CACNG3: variants seen among roughly 807,000 people sequenced by gnomAD.
CACNG3 encodes calcium voltage-gated channel auxiliary subunit gamma 3, also known as voltage-dependent calcium channel gamma-3 subunit.
Under a neutral mutation model 28.5 loss-of-function variants are expected in CACNG3, and 3 were observed. The observed-to-expected ratio is 0.11, with a 90% CI of 0.05 to 0.27. The LOEUF (loss-of-function observed/expected upper bound fraction) is 0.27. Ranked by LOEUF, CACNG3 falls within the 10% of genes least tolerant of loss-of-function variation. The pLI, the probability that CACNG3 is intolerant of heterozygous loss-of-function variation, is 1.00. For synonymous variants in CACNG3, 174 were observed against 162.2 expected, an observed-to-expected ratio of 1.07 and a Z score of -0.55; for missense variants, 236 against 414.4, an observed-to-expected ratio of 0.57 and a Z score of 3.74.
intron 1 of CACNG3, among the ~76,000 whole-genome samples, chr16:24,264,002 G>A (rs1032126998): frequency 3.3e-5 from 5 of 152,248 alleles, no homozygotes; most frequent in African/African-American, 1.2e-4. Flanking sequence ...GCCCACCTCA[G>A]CAAGGGACTT....
chr16:24,292,873 G>C (rs1276705457), intron 1 of CACNG3, among the ~76,000 whole-genome samples: 3 of 152,206 alleles, frequency 2.0e-5, no homozygotes, highest in Admixed American at 6.5e-5. Context: ...AACTCCCCCA[G>C]ATAGAATGGG....
rs1008654230 is a variant in CACNG3 at position 24,338,439 on chromosome 16, G to A, written c.212-8295G>A. ...GCTCACTGCAACCTCTGCCTTCTGGGTTCAAGTTATTCTCCTGCCTCAGCC... is the reference window on the plus strand; with the variant it reads ...GCTCACTGCAACCTCTGCCTTCTGGATTCAAGTTATTCTCCTGCCTCAGCC... On this transcript the variant is annotated intron_variant, in intron 1 of 3. Transcript: ENST00000005284. Among the ~76,000 whole-genome samples the A allele has an allele frequency of 2.6e-5, 4 of 152,154 alleles. No homozygotes were observed. The East Asian group carries it at 7.7e-4, about 29-fold the overall frequency.
chr16:24,280,467 C>T (rs945907987), intron 1 of CACNG3, among the ~76,000 whole-genome samples: 1 of 152,134 alleles, frequency 6.6e-6, no homozygotes, highest in Non-Finnish European at 1.5e-5. Flanking sequence ...AATTGTGCAA[C>T]CACACACTGT....
chr16:24,300,179 A>T (rs1899086556), intron 1 of CACNG3, among the ~76,000 whole-genome samples: 1 of 152,130 alleles, frequency 6.6e-6, no homozygotes, highest in Non-Finnish European at 1.5e-5. Context: ...AGTGATGACT[A>T]AGGCCTTTTG....
intron 1 of CACNG3, among the ~76,000 whole-genome samples, chr16:24,319,734 A>G (rs1053857343): frequency 9.2e-5 from 14 of 151,738 alleles, no homozygotes; most frequent in Admixed American, 8.5e-4. Context: ...GATTACAGGC[A>G]TGAACCACCA....
intron 1 of CACNG3, among the ~76,000 whole-genome samples, chr16:24,326,079 G>A (rs554994375): frequency 1.3e-5 from 2 of 152,298 alleles, no homozygotes; most frequent in East Asian, 1.9e-4. Flanking sequence ...TGTCTCCAAC[G>A]TGGGGGGGTT....
rs181389403 is a variant in CACNG3, at chr16:24,323,595, T to A, written c.212-23139T>A. On this transcript the variant is annotated intron_variant, in intron 1 of 3. Coordinates refer to ENST00000005284, the MANE Select transcript of CACNG3 (RefSeq NM_006539.4). ...AGGTCGGTTTGACTTCATGTTGATA[T>A]AAAGCAGTTGATACTGAGGTTGGAT... Among the ~76,000 whole-genome samples, 679 of 152,334 alleles carry A rather than the reference T, an allele frequency of 4.5e-3. 14 individuals are homozygous for A. Among genetic ancestry groups the A allele is most frequent in the Non-Finnish European group, 3.5e-3 (241 of 68,038 alleles).
intron 1 of CACNG3, among the ~76,000 whole-genome samples, chr16:24,317,647 GA>G (rs56746171): frequency 0.16 from 4,936 of 30,508 alleles, 273 homozygotes; most frequent in African/African-American, 0.2. Context: ...AGAAAGAAAA[GA>G]AAAGAAAGAA....
intron 2 of CACNG3, among the ~76,000 whole-genome samples, chr16:24,351,631 GGGA>G (rs1899943026): frequency 8.2e-6 from 1 of 121,852 alleles, no homozygotes; most frequent in Non-Finnish European, 1.7e-5. Context: ...GGAGGGGAAG[GGGA>G]AGGGGAAGGG....
rs544043269 is a variant in CACNG3 at position 24,345,939 on chromosome 16, C to T, written c.212-795C>T. Among the ~76,000 whole-genome samples, 5 of 152,192 alleles carry T rather than the reference C, an allele frequency of 3.3e-5. No homozygotes were observed. In the South Asian group the frequency reaches 1.0e-3, roughly 32 times the overall value. Reference sequence around the variant, plus strand: ...AATGCCGGTTCTATTTAGGTTGGTGCAAAAGTAATTGCACAACTGCACAAT... The same window carrying T: ...AATGCCGGTTCTATTTAGGTTGGTGTAAAAGTAATTGCACAACTGCACAAT... On this transcript the variant is annotated intron_variant, in intron 1 of 3. Coordinates refer to ENST00000005284, the MANE Select transcript of CACNG3 (RefSeq NM_006539.4).
At chr16:24,290,536 A>C (rs577822393) in intron 1 of CACNG3, among the ~76,000 whole-genome samples, 1 of 152,366 alleles carries the variant, frequency 6.6e-6, no homozygotes, top group South Asian at 2.1e-4. Flanking sequence ...CCCTGGACAA[A>C]TGACTTAATG....
intron 1 of CACNG3, among the ~76,000 whole-genome samples, chr16:24,293,545 T>G (rs1898992662): frequency 6.6e-6 from 1 of 152,200 alleles, no homozygotes; most frequent in Admixed American, 6.5e-5. Flanking sequence ...TTCTTCACTT[T>G]TCCCCTTCTT....
At chr16:24,297,428 C>T (rs903566667) in intron 1 of CACNG3, among the ~76,000 whole-genome samples, 9 of 152,028 alleles carry the variant, frequency 5.9e-5, no homozygotes, top group African/African-American at 2.2e-4. Context: ...CTGCAAGGAG[C>T]AGAGCTTCCA....
At chr16:24,292,015 A>T (rs2141355874) in intron 1 of CACNG3, among the ~76,000 whole-genome samples, 1 of 152,022 alleles carries the variant, frequency 6.6e-6, no homozygotes, top group East Asian at 1.9e-4. Flanking sequence ...AGAGAGAGAG[A>T]CTGAGGTAAG....
intron 1 of CACNG3, among the ~76,000 whole-genome samples, chr16:24,278,432 A>G (rs1898779812): frequency 6.6e-6 from 1 of 152,142 alleles, no homozygotes; most frequent in East Asian, 1.9e-4. Flanking sequence ...CCTGGCCAAC[A>G]TGGTGAAATC....
At chr16:24,305,879 C>T (rs1899179137) in intron 1 of CACNG3, among the ~76,000 whole-genome samples, 1 of 152,076 alleles carries the variant, frequency 6.6e-6, no homozygotes, top group Non-Finnish European at 1.5e-5. Flanking sequence ...CTTTGTTACC[C>T]AAGGTGGGGT....
Position 24,361,173 on chromosome 16 carries a change from T to C in CACNG3, c.437-179T>C, listed in dbSNP as rs1396657165. 2.6e-5 allele frequency among the ~76,000 whole-genome samples: 4 copies of C among 152,176 alleles called. No individual in the cohort carries two copies. Among genetic ancestry groups the C allele is most frequent in the African/African-American group, 4.8e-5 (2 of 41,430 alleles). On this transcript the variant is annotated intron_variant, in intron 3 of 3. Transcript: ENST00000005284. The surrounding 1 kb of genome is among the most constrained non-coding windows in gnomAD (Gnocchi z 6.8). ...CATTGCCTGGAACTGAGCAGCAGAA[T>C]TCTTCATTTCCTAAGTGACAGACCA...
chr16:24,276,904 T>A (rs76011588), intron 1 of CACNG3, among the ~76,000 whole-genome samples: 5,319 of 152,314 alleles, frequency 0.035, 128 homozygotes, highest in Middle Eastern at 0.078. Context: ...TTTTGGTGGA[T>A]TGGAATTTAA....
intron 1 of CACNG3, among the ~76,000 whole-genome samples, chr16:24,298,088 C>T (rs756284063): frequency 5.3e-5 from 8 of 151,526 alleles, no homozygotes; most frequent in East Asian, 1.9e-4. Context: ...AATTAAAATT[C>T]GTTTGAAAGG....
Sources: gnomAD v4.1 joint callset for allele counts (sites outside exome capture counted in the v4.1 genomes callset) on GRCh38, gnomAD v4.1.1 for gene constraint, Gnocchi (gnomAD v3.1) non-coding constraint, MANE v1.5 for transcripts, NCBI Gene and HGNC (gene_info 2026-07-23, HGNC 2026-07-21) for gene names.